The following STK3 variants were observed in gnomAD, a reference collection of about 807,000 sequenced individuals.
STK3 encodes serine/threonine-protein kinase 3.
Under a neutral mutation model 58.0 loss-of-function variants are expected in STK3, and 41 were observed. That is an observed-to-expected ratio of 0.71 (90% confidence interval 0.55 to 0.92). The LOEUF (loss-of-function observed/expected upper bound fraction) is 0.92, where lower values mean the gene tolerates loss of function less well. Among genes scored for constraint, STK3 ranks in the 40% least tolerant of loss-of-function variants. The pLI is 0.00. For missense variants in STK3, 479 were observed against 602.7 expected (o/e 0.79, Z 2.15); for synonymous variants, 170 against 191.0 (o/e 0.89, Z 0.91).
Position 98,505,894 on chromosome 8 carries a change from C to T in STK3, c.1317+20848G>A, listed in dbSNP as rs538811010. On this transcript the variant is annotated intron_variant, in intron 10 of 10. Transcript: ENST00000419617. Reference sequence around the variant, plus strand: ...AGGCAGTCTGTCTGTTCTCAGAGCTCGAACACCATGCTGGGAGAACCACTA... The same window carrying T: ...AGGCAGTCTGTCTGTTCTCAGAGCTTGAACACCATGCTGGGAGAACCACTA... Among the ~76,000 whole-genome samples the T allele has an allele frequency of 3.3e-5, 5 of 152,318 alleles. No homozygotes were observed. In the South Asian group the frequency reaches 6.2e-4, roughly 19 times the overall value.
At chr8:98,644,195 G>T (rs951661241) in intron 6 of STK3, among the ~76,000 whole-genome samples, 5 of 152,040 alleles carry the variant, frequency 3.3e-5, no homozygotes, top group Admixed American at 3.3e-4. Flanking sequence ...TAAAATGTTT[G>T]CCTCCTTACT....
intron 8 of STK3, 144 bp downstream of exon 8, chr8:98,579,520 G>T: frequency 9.7e-7 from 1 of 1,033,262 alleles, no homozygotes; most frequent in Non-Finnish European, 1.4e-6. Context: ...AACATATAAG[G>T]CAAACCAAAT....
At chr8:98,811,820 A>G (rs1317210073) in intron 1 of STK3, among the ~76,000 whole-genome samples, 1 of 152,202 alleles carries the variant, frequency 6.6e-6, no homozygotes, top group Non-Finnish European at 1.5e-5. Context: ...AGTAAAATGA[A>G]AGGTTTTGTT....
At chr8:98,579,446 G>A (rs1167749693) in intron 8 of STK3, among the ~76,000 whole-genome samples, 1 of 152,132 alleles carries the variant, frequency 6.6e-6, no homozygotes, top group Non-Finnish European at 1.5e-5. Flanking sequence ...TACTGTGGAA[G>A]TTCATCCTAT....
intron 6 of STK3, among the ~76,000 whole-genome samples, chr8:98,650,239 A>G (rs1820772175): frequency 6.6e-6 from 1 of 152,266 alleles, no homozygotes; most frequent in Non-Finnish European, 1.5e-5. Context: ...TCAACATGCT[A>G]GAACAAAACT....
intron 1 of STK3, 24 bp from the exon 2 acceptor site, chr8:98,774,843 A>G: frequency 6.6e-7 from 1 of 1,507,536 alleles, no homozygotes; most frequent in Admixed American, 2.3e-5. Context: ...GAAAGAAGAA[A>G]GAAAATATTT....
intron 7 of STK3, among the ~76,000 whole-genome samples, chr8:98,583,296 A>G (rs1814099078): frequency 6.6e-6 from 1 of 152,182 alleles, no homozygotes; most frequent in Non-Finnish European, 1.5e-5. Flanking sequence ...CATGGGAGCG[A>G]GGGCAGAGGG....
intron 10 of STK3, among the ~76,000 whole-genome samples, chr8:98,478,418 G>C (rs1050772385): frequency 6.6e-6 from 1 of 152,072 alleles, no homozygotes. Flanking sequence ...TTCGCCTCCC[G>C]AGCAGAGCAA....
chr8:98,799,215 T>C (rs1170530403), intron 1 of STK3, among the ~76,000 whole-genome samples: 2 of 152,114 alleles, frequency 1.3e-5, no homozygotes, highest in African/African-American at 2.4e-5. Flanking sequence ...ATAAAAGCAA[T>C]CATTTTTAAA....
chr8:98,530,596 A>G (rs1826097948), intron 9 of STK3, among the ~76,000 whole-genome samples: 1 of 152,254 alleles, frequency 6.6e-6, no homozygotes, highest in South Asian at 2.1e-4. Flanking sequence ...TGTGCTGCTT[A>G]GAAGTCCAGT....
intron 7 of STK3, among the ~76,000 whole-genome samples, chr8:98,585,200 G>A (rs1814409445): frequency 1.3e-5 from 2 of 151,774 alleles, no homozygotes; most frequent in Admixed American, 1.3e-4. Context: ...TAATGCCTAG[G>A]TTTTCTTCTA....
chr8:98,502,977 G>A (rs764986667), intron 10 of STK3, among the ~76,000 whole-genome samples: 4 of 152,200 alleles, frequency 2.6e-5, no homozygotes, highest in Non-Finnish European at 4.4e-5. Flanking sequence ...CAGAAGGAAT[G>A]GTACCAGCTC....
At chr8:98,536,961 G>A (rs1809817265) in intron 9 of STK3, among the ~76,000 whole-genome samples, 1 of 151,994 alleles carries the variant, frequency 6.6e-6, no homozygotes, top group South Asian at 2.1e-4. Flanking sequence ...TTTTTTACAG[G>A]CTGACCTAAA....
intron 1 of STK3, among the ~76,000 whole-genome samples, chr8:98,779,908 A>G (rs1314583307): frequency 6.7e-6 from 1 of 149,114 alleles, no homozygotes; most frequent in East Asian, 1.9e-4. Context: ...GAATGAATGA[A>G]TATATATAAA....
chr8:98,509,166 C>T (rs1228189711), intron 10 of STK3, among the ~76,000 whole-genome samples: 2 of 151,892 alleles, frequency 1.3e-5, no homozygotes, highest in Non-Finnish European at 2.9e-5. Context: ...AATATCTTTC[C>T]TTTTCTTAAC....
chr8:98,448,790 A>G (rs1364096304), intron 1 of STK3, among the ~76,000 whole-genome samples: 1 of 152,200 alleles, frequency 6.6e-6, no homozygotes, highest in African/African-American at 2.4e-5. Context: ...GGTATGACAT[A>G]GATTTGTAAT....
rs1237017475 is a variant in STK3, at chr8:98,800,335, C to T, written c.26+25180G>A. 2.0e-5 allele frequency among the ~76,000 whole-genome samples: 3 copies of T among 152,220 alleles called. No individual in the cohort carries two copies. The highest frequency in any genetic ancestry group is 1.5e-5 in the Non-Finnish European group (1 of 68,034). On this transcript the variant is annotated intron_variant, in intron 1 of 10. Coordinates refer to ENST00000419617, the MANE Select transcript of STK3 (RefSeq NM_006281.4). This position sits in a 1 kb window ranked among gnomAD's most constrained non-coding sequence, Gnocchi z 4.8. ...ACAACTGCAGGGCCCCTTCAAAGCC[C>T]CTATCCAGCAGGAAGTAGTTAGAGC...
intron 10 of STK3, among the ~76,000 whole-genome samples, chr8:98,492,730 G>A (rs1822797440): frequency 6.6e-6 from 1 of 151,996 alleles, no homozygotes; most frequent in African/African-American, 2.4e-5. Context: ...GTAATTATCA[G>A]GTGTCACCCA....
At position 98,812,415 on chromosome 8, in the gene STK3, TAAG is replaced by T. The variant is rs955301003; in HGVS notation, c.26+13097_26+13099del. Among the ~76,000 whole-genome samples, 29 of 152,100 alleles carry T rather than the reference TAAG, an allele frequency of 1.9e-4. 2 individuals carry two copies. The highest frequency in any genetic ancestry group is 7.4e-5 in the Non-Finnish European group (5 of 68,018). On this transcript the variant is annotated intron_variant, in intron 1 of 10. Coordinates refer to ENST00000419617, the MANE Select transcript of STK3 (RefSeq NM_006281.4). Reference sequence around the variant, plus strand: ...AGGTGCTGGAGAGGAAGTGGAGAAATAAGAAAACTTTTACACTGTTGGTGGGAC... The same window carrying T: ...AGGTGCTGGAGAGGAAGTGGAGAAATAAAACTTTTACACTGTTGGTGGGAC...
Sources: allele counts gnomAD v4.1 joint callset (sites outside exome capture counted in the v4.1 genomes callset), GRCh38; gene constraint gnomAD v4.1.1; non-coding constraint Gnocchi (gnomAD v3.1); transcripts MANE v1.5; gene names NCBI Gene and HGNC (gene_info 2026-07-23, HGNC 2026-07-21).